Variants in NLGN1 observed in about 807,000 individuals in gnomAD.
NLGN1 encodes neuroligin-1.
In NLGN1, 12 loss-of-function variants were observed where a neutral mutation model predicts 65.5. That is an observed-to-expected ratio of 0.18 (90% confidence interval 0.12 to 0.30). NLGN1 has a LOEUF of 0.30. Among genes scored for constraint, NLGN1 ranks in the 10% least tolerant of loss-of-function variants. The pLI, the probability that NLGN1 is intolerant of heterozygous loss-of-function variation, is 1.00. For synonymous variants in NLGN1, 350 were observed against 359.5 expected, an observed-to-expected ratio of 0.97 and a Z score of 0.30; for missense variants, 750 against 1,007.1, an observed-to-expected ratio of 0.74 and a Z score of 3.46.
At chr3:173,646,014 G>A (rs1227879938) in intron 3 of NLGN1, among the ~76,000 whole-genome samples, 4 of 152,114 alleles carry the variant, frequency 2.6e-5, no homozygotes, top group Non-Finnish European at 5.9e-5. Flanking sequence ...GCTGGCAGTG[G>A]ACAGGTGAAA....
downstream of NLGN1, among the ~76,000 whole-genome samples, chr3:174,287,792 T>C (rs1752294230): frequency 6.6e-6 from 1 of 151,438 alleles, no homozygotes; most frequent in African/African-American, 2.4e-5. Context: ...GCCTATCCTA[T>C]TACTAGTTAT....
chr3:174,001,047 T>G (rs1427377462), intron 4 of NLGN1, among the ~76,000 whole-genome samples: 1 of 152,168 alleles, frequency 6.6e-6, no homozygotes, highest in Non-Finnish European at 1.5e-5. Flanking sequence ...CAATTCTACT[T>G]TGCATGTTGG....
chr3:174,217,322 C>A (rs2152801452), intron 4 of NLGN1, among the ~76,000 whole-genome samples: 1 of 152,244 alleles, frequency 6.6e-6, no homozygotes, highest in South Asian at 2.1e-4. Flanking sequence ...TGCAAAGACC[C>A]TATTTCCAAA....
chr3:174,255,637 C>CTATTTGTT (rs1553979286), intron 4 of NLGN1, among the ~76,000 whole-genome samples: 4 of 141,880 alleles, frequency 2.8e-5, no homozygotes, highest in Non-Finnish European at 6.1e-5. Context: ...TTCTTTTCTT[C>CTATTTGTT]TATTTATTTA....
chr3:174,275,168 ATTCTT>A (rs1561452008), intron 4 of NLGN1, 142 bp from the exon 5 acceptor site: 1 of 621,214 alleles, frequency 1.6e-6, no homozygotes, highest in African/African-American at 1.8e-5. Context: ...GCTAAAGTAA[ATTCTT>A]TTGTTATAGT....
At chr3:173,448,273 A>C (rs895212133) in intron 2 of NLGN1, among the ~76,000 whole-genome samples, 2 of 152,066 alleles carry the variant, frequency 1.3e-5, no homozygotes, top group Admixed American at 6.5e-5. Context: ...TAGCTTGAAG[A>C]GTTGTTGAAT....
intron 4 of NLGN1, among the ~76,000 whole-genome samples, chr3:174,035,411 G>A (rs993031058): frequency 5.3e-5 from 8 of 152,284 alleles, no homozygotes; most frequent in African/African-American, 1.9e-4. Context: ...CTCAGGAAAA[G>A]GCTTATCAGT....
At chr3:173,664,276 T>TC (rs1761393651) in intron 3 of NLGN1, among the ~76,000 whole-genome samples, 1 of 152,060 alleles carries the variant, frequency 6.6e-6, no homozygotes, top group Admixed American at 6.6e-5. Flanking sequence ...AAAATGAACT[T>TC]TAAAAAAATT....
intron 2 of NLGN1, among the ~76,000 whole-genome samples, chr3:173,518,893 G>A (rs1236943089): frequency 6.6e-6 from 1 of 152,104 alleles, no homozygotes; most frequent in Non-Finnish European, 1.5e-5. Flanking sequence ...GGCCTCGATG[G>A]CATTTCAGTG....
intron 4 of NLGN1, among the ~76,000 whole-genome samples, chr3:174,268,296 C>G (rs1187676745): frequency 2.6e-5 from 4 of 152,004 alleles, no homozygotes; most frequent in African/African-American, 9.7e-5. Context: ...CTTTGAATAC[C>G]AGGTTTGTTG....
At chr3:174,242,560 A>G (rs1300852800) in intron 4 of NLGN1, among the ~76,000 whole-genome samples, 3 of 152,012 alleles carry the variant, frequency 2.0e-5, no homozygotes, top group South Asian at 2.1e-4. Context: ...CCTGAACCCA[A>G]TTATGAAGTG....
downstream of NLGN1, among the ~76,000 whole-genome samples, chr3:174,290,060 A>G (rs1315982561): frequency 6.7e-6 from 1 of 149,496 alleles, no homozygotes; most frequent in Non-Finnish European, 1.5e-5. Flanking sequence ...TGAGGAGAAA[A>G]TAGAAGATAA....
exon 7 of NLGN1, chr3:174,281,813 C>T (rs1751572601): frequency 6.5e-6 from 1 of 152,956 alleles, no homozygotes; most frequent in Non-Finnish European, 1.5e-5. Context: ...TGAAATTTGC[C>T]AGTAAAACAA....
intron 4 of NLGN1, among the ~76,000 whole-genome samples, chr3:174,035,896 C>G (rs1731033458): frequency 6.6e-6 from 1 of 151,958 alleles, no homozygotes; most frequent in Admixed American, 6.6e-5. Flanking sequence ...GTGTTTAAGT[C>G]CACCCCCCTC....
intron 2 of NLGN1, among the ~76,000 whole-genome samples, chr3:173,599,455 A>G (rs1325095466): frequency 1.3e-5 from 2 of 152,150 alleles, no homozygotes; most frequent in African/African-American, 4.8e-5. Context: ...ACATTTTGCT[A>G]CAGGGAACTC....
At chr3:174,163,720 A>AC (rs1272677499) in intron 4 of NLGN1, among the ~76,000 whole-genome samples, 8 of 152,192 alleles carry the variant, frequency 5.3e-5, no homozygotes, top group Middle Eastern at 3.4e-3. Context: ...CATTTAGAAT[A>AC]ATGGCCTTCT....
chr3:173,591,268 TATTTTGAATTTTGTTATTGTTATTAGTA>T lies in NLGN1; in HGVS notation c.-320-13010_-320-12983del, dbSNP rs1412801895. On this transcript the variant is annotated intron_variant, in intron 2 of 6. Coordinates refer to ENST00000457714, the Ensembl canonical transcript of NLGN1. ...CACAAATGGCCCATGAACAGGGCAT[TATTTTGAATTTTGTTATTGTTATTAGTA>T]CTAATGCAACTTTTATATGAAGGAA... is the stretch of plus-strand genomic sequence containing the variant. 5.3e-5 allele frequency among the ~76,000 whole-genome samples: 8 copies of T among 152,174 alleles called. No homozygotes were observed. The South Asian group carries it at 1.7e-3, about 31-fold the overall frequency.
At chr3:174,131,100 G>A (rs187791543) in intron 4 of NLGN1, among the ~76,000 whole-genome samples, 6 of 152,174 alleles carry the variant, frequency 3.9e-5, no homozygotes, top group Admixed American at 6.5e-5. Context: ...CAGGTTACCC[G>A]GAAGTCCTAA....
intron 3 of NLGN1, among the ~76,000 whole-genome samples, chr3:173,753,226 T>C (rs888830120): frequency 6.6e-6 from 1 of 152,262 alleles, no homozygotes; most frequent in East Asian, 1.9e-4. Flanking sequence ...TAAATTTAGA[T>C]CTCTGCTGCA....
Sources: allele counts gnomAD v4.1 joint callset (sites outside exome capture counted in the v4.1 genomes callset), GRCh38; gene constraint gnomAD v4.1.1; transcripts MANE v1.5; gene names NCBI Gene and HGNC (gene_info 2026-07-23, HGNC 2026-07-21).